ST8SIA4: variants seen among roughly 807,000 people sequenced by gnomAD.
ST8SIA4 encodes CMP-N-acetylneuraminate-poly-alpha-2,8-sialyltransferase.
A neutral mutation model predicts 33.9 loss-of-function variants in ST8SIA4; 15 were observed. The observed-to-expected ratio is 0.44, with a 90% CI of 0.30 to 0.68. The LOEUF (loss-of-function observed/expected upper bound fraction) is 0.68. Ranked by LOEUF, ST8SIA4 falls within the 30% of genes least tolerant of loss-of-function variation. The probability of loss-of-function intolerance (pLI) is 0.10; values close to 1 mark genes in which losing one functional copy is unlikely to be tolerated. For missense variants in ST8SIA4, 321 were observed against 428.0 expected, an observed-to-expected ratio of 0.75 and a Z score of 2.21; for synonymous variants, 171 against 151.2, an observed-to-expected ratio of 1.13 and a Z score of -0.96.
intron 1 of ST8SIA4, among the ~76,000 whole-genome samples, chr5:100,902,489 G>C (rs1385351387): frequency 6.6e-6 from 1 of 152,128 alleles, no homozygotes; most frequent in Non-Finnish European, 1.5e-5. Flanking sequence ...TTGAAAACAG[G>C]CAACCGTTTG....
intron 4 of ST8SIA4, among the ~76,000 whole-genome samples, chr5:100,836,701 A>G (rs1031850239): frequency 9.9e-5 from 15 of 152,008 alleles, no homozygotes; most frequent in African/African-American, 3.6e-4. Flanking sequence ...TTTTTTTTAA[A>G]GAAAACGAAA....
At chr5:100,837,030 A>ACACACACACACACC (rs1491491812) in intron 4 of ST8SIA4, among the ~76,000 whole-genome samples, 8 of 139,942 alleles carry the variant, frequency 5.7e-5, no homozygotes, top group African/African-American at 2.1e-4. Flanking sequence ...ACACACACAC[A>ACACACACACACACC]CCGTAATACC....
intron 3 of ST8SIA4, among the ~76,000 whole-genome samples, chr5:100,883,537 T>C (rs1752473663): frequency 1.3e-5 from 2 of 152,154 alleles, no homozygotes; most frequent in African/African-American, 2.4e-5. Flanking sequence ...GGTTTTGAAA[T>C]GTGAGGACAT....
intron 4 of ST8SIA4, among the ~76,000 whole-genome samples, chr5:100,852,161 TC>T (rs1311152260): frequency 8.0e-6 from 1 of 125,658 alleles, no homozygotes; most frequent in African/African-American, 2.9e-5. Flanking sequence ...CACTGTGTCA[TC>T]CAGGCTGGAG....
At chr5:100,888,393 G>A (rs1580484019) in intron 2 of ST8SIA4, among the ~76,000 whole-genome samples, 1 of 151,678 alleles carries the variant, frequency 6.6e-6, no homozygotes, top group East Asian at 1.9e-4. Flanking sequence ...ACAAAAGTCT[G>A]GAATTGTTTG....
chr5:100,821,443 A>G (rs1182534374), intron 4 of ST8SIA4, among the ~76,000 whole-genome samples: 1 of 152,164 alleles, frequency 6.6e-6, no homozygotes, highest in Non-Finnish European at 1.5e-5. Context: ...GTTTCCCAAT[A>G]AAAGTTAATT....
At chr5:100,843,039 T>C (rs1751500875) in intron 4 of ST8SIA4, among the ~76,000 whole-genome samples, 1 of 151,894 alleles carries the variant, frequency 6.6e-6, no homozygotes, top group Non-Finnish European at 1.5e-5. Context: ...GAAATTTGTA[T>C]AAAGGCCAAG....
rs1425839778 is a variant in ST8SIA4 at position 100,809,307 on chromosome 5, G to C, written c.*2540C>G. 1 of 147,298 alleles carries C rather than the reference G, an allele frequency of 6.8e-6. No homozygotes were observed. Among genetic ancestry groups the C allele is most frequent in the African/African-American group, 2.5e-5 (1 of 40,506 alleles). The allele number at this position is 147,298 out of a possible 1,614,324, so 9.1% of individuals were successfully genotyped here. Reference sequence around the variant, plus strand: ...CTCTACTAAAAACACAAAATTAGCCGAGTGTGGTGGTGGGCGCCTGTAACC... The same window carrying C: ...CTCTACTAAAAACACAAAATTAGCCCAGTGTGGTGGTGGGCGCCTGTAACC... On this transcript the variant is annotated 3_prime_UTR_variant, in exon 5 of 5. Coordinates refer to ENST00000231461, the MANE Select transcript of ST8SIA4 (RefSeq NM_005668.6).
At chr5:100,898,654 G>C (rs2112486163) in intron 1 of ST8SIA4, among the ~76,000 whole-genome samples, 1 of 152,262 alleles carries the variant, frequency 6.6e-6, no homozygotes, top group South Asian at 2.1e-4. Flanking sequence ...TCTGTATAAA[G>C]TTAAATGGGT....
At chr5:100,826,556 G>T (rs1225193083) in intron 4 of ST8SIA4, among the ~76,000 whole-genome samples, 1 of 152,178 alleles carries the variant, frequency 6.6e-6, no homozygotes, top group East Asian at 1.9e-4. Flanking sequence ...TTATCCTGTA[G>T]TTCAGTTATG....
intron 2 of ST8SIA4, chr5:100,890,479 T>C (rs1241582110): frequency 6.6e-6 from 1 of 151,838 alleles, no homozygotes; most frequent in Non-Finnish European, 1.5e-5. Flanking sequence ...ATTTCAGAAA[T>C]GAGAGAGGTA....
intron 4 of ST8SIA4, chr5:100,849,063 T>C (rs1580460864): frequency 1.2e-6 from 1 of 843,050 alleles, no homozygotes; most frequent in East Asian, 1.2e-4. Context: ...GAAGAAATAC[T>C]TTAGAAAGCT....
chr5:100,886,677 C>G (rs1376308914), intron 2 of ST8SIA4, 77 bp from the exon 3 acceptor site: 1 of 1,232,248 alleles, frequency 8.1e-7, no homozygotes, highest in African/African-American at 1.5e-5. Flanking sequence ...TACAAAGTAA[C>G]TTAAGACAAA....
Position 100,807,959 on chromosome 5 carries a change from C to A in ST8SIA4, c.*3888G>T, listed in dbSNP as rs1178391504. 1.3e-5 allele frequency: 2 copies of A among 152,532 alleles called. No individual in the cohort carries two copies. The highest frequency in any genetic ancestry group is 1.9e-4 in the East Asian group (1 of 5,176). The allele number at this position is 152,532 out of a possible 1,614,324, so 9.4% of individuals were successfully genotyped here. A position where few individuals can be genotyped will look rare whatever the true frequency, so the allele number is the denominator to read the frequency against. ...CATCAAATACAAATAATAACCCTCA[C>A]TCAATTTTTAAAACATTGGTATATT... On this transcript the variant is annotated 3_prime_UTR_variant, in exon 5 of 5. Transcript: ENST00000231461.
At chr5:100,826,870 C>T (rs1403761552) in intron 4 of ST8SIA4, among the ~76,000 whole-genome samples, 1 of 151,272 alleles carries the variant, frequency 6.6e-6, no homozygotes, top group Non-Finnish European at 1.5e-5. Flanking sequence ...ATATATAATA[C>T]ATTAATACAT....
At chr5:100,867,385 C>A (rs1262964335) in intron 3 of ST8SIA4, among the ~76,000 whole-genome samples, 1 of 152,048 alleles carries the variant, frequency 6.6e-6, no homozygotes, top group Non-Finnish European at 1.5e-5. Flanking sequence ...GCAGTTACTA[C>A]TGTTTAACAG....
intron 3 of ST8SIA4, among the ~76,000 whole-genome samples, chr5:100,870,664 A>T (rs1048101464): frequency 6.6e-6 from 1 of 152,170 alleles, no homozygotes; most frequent in Non-Finnish European, 1.5e-5. Flanking sequence ...TTACTTGTAG[A>T]TAAAATAATT....
At chr5:100,890,006 G>A (rs1327186179) in intron 2 of ST8SIA4, among the ~76,000 whole-genome samples, 3 of 151,852 alleles carry the variant, frequency 2.0e-5, no homozygotes, top group Admixed American at 2.0e-4. Context: ...GTGACTCTGG[G>A]TTTGTTTGTT....
rs541995804 is a variant in ST8SIA4, at chr5:100,864,402, G to A, written c.504-8006C>T. 4.6e-5 allele frequency among the ~76,000 whole-genome samples: 7 copies of A among 151,722 alleles called. No homozygotes were observed. The South Asian group carries it at 1.5e-3, about 32-fold the overall frequency. On this transcript the variant is annotated intron_variant, in intron 3 of 4. Coordinates refer to ENST00000231461, the MANE Select transcript of ST8SIA4 (RefSeq NM_005668.6). ...ATCCTGGCTAACATGGTGAAACCCCGCCTCTACTAAAAACACAAAAAAATT... is the reference window on the plus strand; with the variant it reads ...ATCCTGGCTAACATGGTGAAACCCCACCTCTACTAAAAACACAAAAAAATT...
Sources: gnomAD v4.1 joint callset for allele counts (sites outside exome capture counted in the v4.1 genomes callset) on GRCh38, gnomAD v4.1.1 for gene constraint, MANE v1.5 for transcripts, NCBI Gene and HGNC (gene_info 2026-07-23, HGNC 2026-07-21) for gene names.